The following SMAD1 variants were observed in gnomAD, a reference collection of about 807,000 sequenced individuals.
SMAD1 encodes SMAD family member 1.
A neutral mutation model predicts 41.6 loss-of-function variants in SMAD1; 6 were observed. That is an observed-to-expected ratio of 0.14 (90% CI 0.08 to 0.28). SMAD1 has a LOEUF of 0.28. Among genes scored for constraint, SMAD1 ranks in the 10% least tolerant of loss-of-function variants. The pLI is 1.00. For missense variants in SMAD1, 379 were observed against 582.6 expected (o/e 0.65, Z 3.60); for synonymous variants, 206 against 203.2 (o/e 1.01, Z -0.12).
At chr4:145,506,998 T>C (rs971474673) in intron 1 of SMAD1, among the ~76,000 whole-genome samples, 1 of 152,190 alleles carries the variant, frequency 6.6e-6, no homozygotes, top group Non-Finnish European at 1.5e-5. Flanking sequence ...CTTCTGGCAG[T>C]TCTGATAGAA....
chr4:145,494,614 C>A (rs1159029606), intron 1 of SMAD1, among the ~76,000 whole-genome samples: 1 of 152,104 alleles, frequency 6.6e-6, no homozygotes, highest in Non-Finnish European at 1.5e-5. Context: ...CTGGGCCCAT[C>A]CTATTGAAGG....
chr4:145,551,060 A>T (rs1381332261), intron 5 of SMAD1, among the ~76,000 whole-genome samples: 1 of 152,224 alleles, frequency 6.6e-6, no homozygotes, highest in African/African-American at 2.4e-5. Flanking sequence ...ACCTGGAAGG[A>T]TAAACAAGTG....
rs1384430349 is a variant in SMAD1, at chr4:145,539,983, A to G, written c.580A>G (p.Asn194Asp). The change falls in exon 3 of 7, where the codon AAC becomes GAC. Residue 194 changes from asparagine (N) to aspartate (D), a missense_variant. Physicochemically the swap from Asn to Asp is conservative, Grantham distance 23. Around this residue, in one of 3 missense-constraint regions of SMAD1, gnomAD observed 208 missense variants for 210.5 expected, o/e 0.99. Coordinates refer to ENST00000302085, the MANE Select transcript of SMAD1 (RefSeq NM_005900.3). ...TCACTCTCCCAATAGCAGTTACCCA[A>G]ACTCTCCTGGGAGCAGCAGCAGCAC... ...FPHSPNSSYP[N>D]SPGSSSSTYP... 8.7e-6 allele frequency: 14 copies of G among 1,613,934 alleles called. No individual in the cohort carries two copies. In the South Asian group the frequency reaches 8.8e-5, roughly 10 times the overall value.
rs563007344 is a variant in SMAD1 at position 145,482,480 on chromosome 4, G to A, written c.-177+442G>A. 2 of 151,952 alleles carry A rather than the reference G, an allele frequency of 1.3e-5. No individual in the cohort carries two copies. The highest frequency in any genetic ancestry group is 2.9e-5 in the Non-Finnish European group (2 of 67,938). The allele number at this position is 151,952 out of a possible 1,614,324, so 9.4% of individuals were successfully genotyped here. ...GCCGAGGCCCGTTCGCGTGGCCCGC[G>A]GACCCATTGTGTCCCCCGCGCCGGC... On this transcript the variant is annotated intron_variant, in intron 1 of 6. Transcript: ENST00000302085. The surrounding 1 kb of genome is among the most constrained non-coding windows in gnomAD (Gnocchi z 4.2).
chr4:145,537,897 G>A (rs962354068), intron 2 of SMAD1, among the ~76,000 whole-genome samples: 23 of 152,174 alleles, frequency 1.5e-4, no homozygotes, highest in Admixed American at 1.2e-3. Context: ...CAAAGTTGCT[G>A]CAGTTTTTGC....
rs33928689 is a variant in SMAD1 at position 145,558,740 on chromosome 4, C to CTT, written c.*806_*807insTT. ...AGATTTTTATCATTTTTTTCTCTCT[C>CTT]GGCATTCTTTTTTCTCATACTCTTC... On this transcript the variant is annotated 3_prime_UTR_variant, in exon 7 of 7. Coordinates refer to ENST00000302085, the MANE Select transcript of SMAD1 (RefSeq NM_005900.3). 0.51 allele frequency among the ~76,000 whole-genome samples: 77,389 copies of CTT among 151,710 alleles called. 20,360 individuals are homozygous for CTT. Among genetic ancestry groups the CTT allele is most frequent in the African/African-American group, 0.59 (24,226 of 41,342 alleles).
intron 2 of SMAD1, among the ~76,000 whole-genome samples, chr4:145,533,661 C>G (rs1731446426): frequency 6.6e-6 from 1 of 152,012 alleles, no homozygotes; most frequent in Admixed American, 6.5e-5. Flanking sequence ...AGCCACAGCA[C>G]TCCAGCCTGG....
chr4:145,552,239 G>A (rs903170931), intron 5 of SMAD1, among the ~76,000 whole-genome samples: 1 of 152,032 alleles, frequency 6.6e-6, no homozygotes, highest in African/African-American at 2.4e-5. Context: ...CTCTATATCA[G>A]GCCAAAAAAA....
At chr4:145,529,345 C>G (rs766455395) in intron 2 of SMAD1, among the ~76,000 whole-genome samples, 1 of 151,964 alleles carries the variant, frequency 6.6e-6, no homozygotes, top group Non-Finnish European at 1.5e-5. Flanking sequence ...AAATACTTGG[C>G]AAAAGAAAGG....
intron 1 of SMAD1, among the ~76,000 whole-genome samples, chr4:145,508,177 A>G (rs1336780283): frequency 1.3e-5 from 2 of 151,508 alleles, no homozygotes; most frequent in Admixed American, 1.3e-4. Context: ...AATAATGCTA[A>G]TTCTCAGATT....
In SMAD1 at chr4:145,509,887, C is replaced by T. The variant is rs7683590; in HGVS notation, c.-176-4551C>T. Among the ~76,000 whole-genome samples, 15 of 152,284 alleles carry T rather than the reference C, an allele frequency of 9.9e-5. No homozygotes were observed. In the South Asian group the frequency reaches 1.2e-3, roughly 13 times the overall value. On this transcript the variant is annotated intron_variant, in intron 1 of 6. Coordinates refer to ENST00000302085, the MANE Select transcript of SMAD1 (RefSeq NM_005900.3). ...CCTGTGGCCTCCCAAATAGAGTTGA[C>T]GCTCCGTATTTGGCTTTCTAAGTTC...
At chr4:145,488,852 G>A (rs1728629648) in intron 1 of SMAD1, among the ~76,000 whole-genome samples, 1 of 152,124 alleles carries the variant, frequency 6.6e-6, no homozygotes, top group Non-Finnish European at 1.5e-5. Context: ...ATTAAATGCA[G>A]CAACATTATA....
chr4:145,493,732 A>G (rs2126944620), intron 1 of SMAD1, among the ~76,000 whole-genome samples: 1 of 152,344 alleles, frequency 6.6e-6, no homozygotes, highest in Middle Eastern at 3.4e-3. Flanking sequence ...GATATTAATC[A>G]ATTCAGCAAG....
chr4:145,501,893 G>GC (rs1362609729), intron 1 of SMAD1, among the ~76,000 whole-genome samples: 2 of 152,068 alleles, frequency 1.3e-5, no homozygotes, highest in Admixed American at 1.3e-4. Flanking sequence ...TTGGTGTGAG[G>GC]AGTCAATGTA....
chr4:145,521,590 G>A (rs1345184022), intron 2 of SMAD1, among the ~76,000 whole-genome samples: 2 of 152,062 alleles, frequency 1.3e-5, no homozygotes, highest in South Asian at 4.2e-4. Context: ...TCGTGTCTTG[G>A]TAAATTTTAC....
intron 1 of SMAD1, among the ~76,000 whole-genome samples, chr4:145,513,920 C>A (rs1245557518): frequency 6.6e-6 from 1 of 152,170 alleles, no homozygotes; most frequent in Non-Finnish European, 1.5e-5. Context: ...ATTGTATTAC[C>A]TAACTCAAAG....
At chr4:145,555,481 G>A (rs1247836985) in intron 6 of SMAD1, among the ~76,000 whole-genome samples, 5 of 152,162 alleles carry the variant, frequency 3.3e-5, no homozygotes, top group Non-Finnish European at 5.9e-5. Context: ...GGTGGATGGA[G>A]TTGAGAACTG....
intron 3 of SMAD1, among the ~76,000 whole-genome samples, chr4:145,541,106 C>T (rs904378735): frequency 5.9e-5 from 9 of 152,096 alleles, no homozygotes; most frequent in Admixed American, 6.5e-5. Flanking sequence ...GTCTACCTCT[C>T]TCCCTTCCTC....
intron 1 of SMAD1, among the ~76,000 whole-genome samples, chr4:145,494,151 G>A (rs539447841): frequency 6.6e-6 from 1 of 152,130 alleles, no homozygotes; most frequent in East Asian, 1.9e-4. Context: ...TAGTAGAGAT[G>A]GGGTTTCACC....
Sources: allele counts gnomAD v4.1 joint callset (sites outside exome capture counted in the v4.1 genomes callset), GRCh38; gene constraint gnomAD v4.1.1; regional missense constraint gnomAD v4.1.1; non-coding constraint Gnocchi (gnomAD v3.1); transcripts MANE v1.5; gene names NCBI Gene and HGNC (gene_info 2026-07-23, HGNC 2026-07-21).